Variants in GASK1A observed in about 807,000 individuals in gnomAD.
GASK1A encodes Golgi-associated kinase 1A.
GASK1A carries 40 observed loss-of-function variants against 41.2 expected under a neutral mutation model. That is an observed-to-expected ratio of 0.97 (90% CI 0.75 to 1.27). The LOEUF (loss-of-function observed/expected upper bound fraction) is 1.27, where lower values mean the gene tolerates loss of function less well. Among genes scored for constraint, GASK1A ranks in the 50% most tolerant of loss-of-function variants. GASK1A has a pLI of 0.00. For synonymous variants in GASK1A, 316 were observed against 307.1 expected (o/e 1.03, Z -0.30); for missense variants, 678 against 745.1 (o/e 0.91, Z 1.05).
At chr3:43,013,440 T>A (rs1455094015) in intron 1 of GASK1A, among the ~76,000 whole-genome samples, 1 of 148,198 alleles carries the variant, frequency 6.7e-6, no homozygotes, top group Non-Finnish European at 1.5e-5. Context: ...CAGTAGGAAG[T>A]TACAAGAAGG....
intron 1 of GASK1A, among the ~76,000 whole-genome samples, chr3:42,991,783 T>C (rs1360819753): frequency 6.6e-6 from 1 of 152,176 alleles, no homozygotes; most frequent in African/African-American, 2.4e-5. Context: ...GGGTTCTTTC[T>C]CAAGGACAGA....
chr3:43,010,534 G>A (rs766575452), intron 1 of GASK1A, among the ~76,000 whole-genome samples: 14 of 152,232 alleles, frequency 9.2e-5, no homozygotes, highest in African/African-American at 1.9e-4. Flanking sequence ...TTGCTGAAAC[G>A]ATTTTTTGAA....
Position 43,055,512 on chromosome 3 carries a change from T to C in GASK1A, c.1494T>C (p.Phe498=). 1 of 1,552,028 alleles carries C rather than the reference T, an allele frequency of 6.4e-7. No homozygotes were observed. The highest frequency in any genetic ancestry group is 1.4e-5 in the African/African-American group (1 of 73,180). ...AGCACCCTGAGGACAAGCTGAACTT[T>C]CGGCTGCTGGAGGGCATAGATGGGT... is the stretch of plus-strand genomic sequence containing the variant. The part of the protein sequence containing the change: ...NLQHPEDKLN[F]RLLEGIDGFP... The change falls in exon 4 of 5, where the codon TTT becomes TTC. Residue 498 remains phenylalanine (F), a synonymous_variant. Coordinates refer to ENST00000430121, the MANE Select transcript of GASK1A (RefSeq NM_001129908.3).
At chr3:43,015,122 TA>T (rs1559400963) in intron 1 of GASK1A, among the ~76,000 whole-genome samples, 1 of 112,994 alleles carries the variant, frequency 8.9e-6, no homozygotes, top group Non-Finnish European at 1.9e-5. Context: ...ACATCACAGG[TA>T]GGGGCAGTGT....
intron 2 of GASK1A, among the ~76,000 whole-genome samples, chr3:43,046,462 T>C (rs1356300304): frequency 1.3e-5 from 2 of 152,234 alleles, no homozygotes; most frequent in Non-Finnish European, 2.9e-5. Context: ...AGATGTGACC[T>C]AGATACTCTT....
chr3:43,051,535 C>T (rs1156783110), intron 2 of GASK1A, among the ~76,000 whole-genome samples: 1 of 152,192 alleles, frequency 6.6e-6, no homozygotes, highest in Non-Finnish European at 1.5e-5. Context: ...TACACATGTG[C>T]ATGTGGCTTT....
intron 1 of GASK1A, among the ~76,000 whole-genome samples, chr3:43,024,249 T>C (rs927843508): frequency 1.2e-4 from 18 of 152,166 alleles, no homozygotes; most frequent in African/African-American, 3.9e-4. Flanking sequence ...TGTCCTCTGC[T>C]CTATCACCTA....
Position 43,055,699 on chromosome 3 carries a change from A to G in GASK1A, c.1517+164A>G. ...GTGGTGGGGAGCCCTGGGAAAGCTG[A>G]GAGGGGATACAGTTGGCAGGGCCTA... On this transcript the variant is annotated intron_variant, in intron 4 of 4. Coordinates refer to ENST00000430121, the MANE Select transcript of GASK1A (RefSeq NM_001129908.3). The G allele has an allele frequency of 4.9e-6, 3 of 610,550 alleles. No individual in the cohort carries two copies. The South Asian group carries it at 5.6e-5, about 11-fold the overall frequency. 37.8% of individuals were successfully genotyped at this position (610,550 alleles called of 1,614,324 possible).
At chr3:43,041,187 A>C (rs372257409) in intron 2 of GASK1A, among the ~76,000 whole-genome samples, 1 of 150,114 alleles carries the variant, frequency 6.7e-6, no homozygotes, top group East Asian at 1.9e-4. Context: ...ATAAACATAC[A>C]TGTGCACGTG....
At chr3:43,028,371 CCA>C (rs1391485488) in intron 1 of GASK1A, among the ~76,000 whole-genome samples, 1 of 152,076 alleles carries the variant, frequency 6.6e-6, no homozygotes, top group Non-Finnish European at 1.5e-5. Flanking sequence ...AGGCCCTTGG[CCA>C]AAAGGAGGGG....
Position 43,053,524 on chromosome 3 carries a change from C to G in GASK1A, c.1294C>G (p.His432Asp). Residue 432 changes from histidine (H) to aspartate (D), a missense_variant, in exon 3 of 5, where the codon CAC becomes GAC. Physicochemically the swap from His to Asp is moderately conservative, Grantham distance 81. Coordinates refer to ENST00000430121, the MANE Select transcript of GASK1A (RefSeq NM_001129908.3). ...CGAAGGCTGGGTGTCTCCACAGGTCCACGACCGCTTGGATCGCTACTGCTG... is the reference window on the plus strand; with the variant it reads ...CGAAGGCTGGGTGTCTCCACAGGTCGACGACCGCTTGGATCGCTACTGCTG... ...LALFDFLLQVHDRLDRYCCGF... is the reference protein window; with the variant it reads ...LALFDFLLQVDDRLDRYCCGF... 3 of 1,546,386 alleles carry G rather than the reference C, an allele frequency of 1.9e-6. No homozygotes were observed. Among genetic ancestry groups the G allele is most frequent in the Non-Finnish European group, 2.6e-6 (3 of 1,143,444 alleles).
chr3:43,046,733 C>T (rs908847114), intron 2 of GASK1A, among the ~76,000 whole-genome samples: 1 of 152,186 alleles, frequency 6.6e-6, no homozygotes, highest in East Asian at 1.9e-4. Flanking sequence ...CATCACAGGT[C>T]CAAAGGCCTG....
intron 1 of GASK1A, among the ~76,000 whole-genome samples, chr3:42,993,466 G>T (rs72869040): frequency 1.2e-3 from 182 of 151,426 alleles, no homozygotes; most frequent in African/African-American, 3.8e-3. Context: ...TATATCACAC[G>T]TTTGTTTTTT....
intron 1 of GASK1A, among the ~76,000 whole-genome samples, chr3:43,025,466 T>C (rs1165711170): frequency 1.3e-5 from 2 of 152,194 alleles, no homozygotes; most frequent in African/African-American, 4.8e-5. Flanking sequence ...AACTGCTAGG[T>C]GACCCTGTGG....
chr3:43,016,780 G>C (rs1215952090), intron 1 of GASK1A, among the ~76,000 whole-genome samples: 2 of 151,918 alleles, frequency 1.3e-5, no homozygotes, highest in African/African-American at 4.8e-5. Flanking sequence ...ACGGTGGGAA[G>C]TTACAGGAAG....
At chr3:42,980,994 A>T (rs2089280348) in intron 1 of GASK1A, among the ~76,000 whole-genome samples, 1 of 152,194 alleles carries the variant, frequency 6.6e-6, no homozygotes, top group African/African-American at 2.4e-5. Context: ...AATGTAGCAG[A>T]GGCTCTGTGG....
rs1575447452 is a variant in GASK1A, at chr3:43,033,019, G to A, written c.756G>A (p.Arg252=). Residue 252 remains arginine, a synonymous_variant, in exon 2 of 5, where the codon AGG becomes AGA. Coordinates refer to ENST00000430121, the MANE Select transcript of GASK1A (RefSeq NM_001129908.3). ...CTGAGACGCTGTTGAGCAGCTCGAG[G>A]ACTGGTGGGCAGGCTCCCCCATGGC... The part of the protein sequence containing the change: ...CDAETLLSSS[R]TGGQAPPWLT... The A allele has an allele frequency of 2.6e-6, 4 of 1,551,614 alleles. No homozygotes were observed. The South Asian group carries it at 3.6e-5, about 14-fold the overall frequency.
At chr3:43,009,092 T>C (rs767855043) in intron 1 of GASK1A, among the ~76,000 whole-genome samples, 25 of 152,224 alleles carry the variant, frequency 1.6e-4, no homozygotes, top group Non-Finnish European at 2.9e-4. Context: ...AGCAACTCTT[T>C]GAGGGAGGAA....
chr3:43,055,438 AG>A lies in GASK1A; in HGVS notation c.1421del (p.Ser474ThrfsTer23). ...ELRLVHILVRSSDPSHLVYID... is the reference protein window; with the variant it reads ...ELRLVHILVRXSDPSHLVYID... ...GTCCACCCTCTTCCCTGAGGTCCGG[AG>A]CAGCGATCCATCTCACCTGGTCTAC... On this transcript the variant is annotated frameshift_variant, in exon 4 of 5. Transcript: ENST00000430121. LOFTEE classifies it high-confidence loss of function. 1.9e-6 allele frequency: 3 copies of A among 1,551,306 alleles called. No individual in the cohort carries two copies. The highest frequency in any genetic ancestry group is 1.7e-6 in the Non-Finnish European group (2 of 1,146,658).
Sources: allele counts gnomAD v4.1 joint callset (sites outside exome capture counted in the v4.1 genomes callset), GRCh38; gene constraint gnomAD v4.1.1; transcripts MANE v1.5; gene names NCBI Gene and HGNC (gene_info 2026-07-23, HGNC 2026-07-21).